Variants in SEC14L3 observed in about 807,000 individuals in gnomAD.
The protein encoded by SEC14L3 is SEC14-like protein 3.
In SEC14L3, 56 loss-of-function variants were observed where a neutral mutation model predicts 57.4. The observed-to-expected ratio is 0.97, with a 90% CI of 0.79 to 1.22. The LOEUF is 1.22. SEC14L3 is among the 50% of genes most tolerant of loss of function. The probability of loss-of-function intolerance (pLI) is 0.00; values close to 1 mark genes in which losing one functional copy is unlikely to be tolerated. For synonymous variants in SEC14L3, 173 were observed against 194.4 expected (o/e 0.89, Z 0.92); for missense variants, 485 against 511.7 (o/e 0.95, Z 0.50).
chr22:30,460,210 T>G, intron 11 of SEC14L3, 68 bp from the exon 12 acceptor site: 7 of 1,583,186 alleles, frequency 4.4e-6, no homozygotes, highest in Non-Finnish European at 6.0e-6. Flanking sequence ...CCCCTGGCCA[T>G]GGAGGAGGAC....
chr22:30,471,298 GA>G (rs1486087113), intron 1 of SEC14L3: 2 of 455,450 alleles, frequency 4.4e-6, no homozygotes, highest in Admixed American at 2.4e-5. Context: ...AGAAGAAAAA[GA>G]AGAAGAAAGG....
At position 30,462,100 on chromosome 22, in the gene SEC14L3, T is replaced by C. The variant is rs1935286486; in HGVS notation, c.757A>G (p.Lys253Glu). Residue 253 changes from lysine to glutamate, a missense_variant, in exon 9 of 12, where the codon AAA (lysine) becomes GAA (glutamate). Coordinates refer to ENST00000215812, the MANE Select transcript of SEC14L3 (RefSeq NM_174975.5). ...GTLTDPDGNP[K>E]CLTKINYGGE... ...GCTCTTTGTACCTTGGTTAAACATT[T>C]GGGGTTCCCATCTGGGTCAGTCAGG... 1.9e-6 allele frequency: 3 copies of C among 1,614,036 alleles called. No homozygotes were observed. The South Asian group carries it at 3.3e-5, about 18-fold the overall frequency.
At chr22:30,463,976 C>G (rs1056633404) in intron 8 of SEC14L3, among the ~76,000 whole-genome samples, 1 of 152,086 alleles carries the variant, frequency 6.6e-6, no homozygotes, top group Non-Finnish European at 1.5e-5. Flanking sequence ...TAAGATTATA[C>G]TTTTAGTTTA....
At chr22:30,448,800 G>A (rs1168944469) in exon 13 of SEC14L3, 2 of 324,652 alleles carry the variant, frequency 6.2e-6, no homozygotes, top group Non-Finnish European at 1.1e-5. Flanking sequence ...GCTGAGAGGG[G>A]AGAATCACTT....
intron 5 of SEC14L3, among the ~76,000 whole-genome samples, chr22:30,468,005 G>A (rs1247588798): frequency 6.6e-6 from 1 of 152,202 alleles, no homozygotes; most frequent in African/African-American, 2.4e-5. Context: ...TCCCGGCCTG[G>A]TACGGTGGCT....
chr22:30,458,848 CA>C (rs11357974), downstream of SEC14L3, among the ~76,000 whole-genome samples: 62,122 of 151,786 alleles, frequency 0.41, 14,376 homozygotes, highest in African/African-American at 0.62. Flanking sequence ...CAAAAAAATA[CA>C]AAAAAATTAG....
At chr22:30,452,589 C>T (rs185373028) in intron 12 of SEC14L3, among the ~76,000 whole-genome samples, 14 of 152,138 alleles carry the variant, frequency 9.2e-5, no homozygotes, top group East Asian at 5.8e-4. Context: ...ATCTACCACC[C>T]GCACATTTTC....
At chr22:30,471,390 T>C in intron 1 of SEC14L3, 1 of 400,578 alleles carries the variant, frequency 2.5e-6, no homozygotes, top group South Asian at 1.9e-5. Flanking sequence ...CCTCAAAACA[T>C]CTGCTTTTTT....
chr22:30,468,411 A>T, intron 5 of SEC14L3, 97 bp downstream of exon 5: 1 of 857,394 alleles, frequency 1.2e-6, no homozygotes, highest in Non-Finnish European at 1.9e-6. Flanking sequence ...GAGCCCTCTG[A>T]CTGTGGTTGT....
rs1661730744 is a variant in SEC14L3 at position 30,467,083 on chromosome 22, A to C, written c.424-6T>G. ...GTCTCAATCTTCTTCCCTAGCTGCA[A>C]GGATGAGAGCAAGAAGTAGTTCTGG... On this transcript the variant is annotated splice_polypyrimidine_tract_variant and splice_region_variant and intron_variant, in intron 5 of 11. Transcript: ENST00000215812. 1 of 1,613,920 alleles carries C rather than the reference A, an allele frequency of 6.2e-7. No individual in the cohort carries two copies. The highest frequency in any genetic ancestry group is 1.3e-5 in the African/African-American group (1 of 74,922).
At chr22:30,467,154 C>T (rs1374955816) in intron 5 of SEC14L3, 77 bp from the exon 6 acceptor site, 6 of 1,593,450 alleles carry the variant, frequency 3.8e-6, no homozygotes, top group Middle Eastern at 1.7e-4. Flanking sequence ...GTACATGACC[C>T]CTTGGGGCTT....
At chr22:30,449,082 A>G (rs1238240905) in exon 13 of SEC14L3, 1 of 1,550,532 alleles carries the variant, frequency 6.4e-7, no homozygotes, top group Admixed American at 2.0e-5. Flanking sequence ...TCACACAGAC[A>G]AAAATTAGTT....
rs757489756 is a variant in SEC14L3 at position 30,461,676 on chromosome 22, T to A, written c.790A>T (p.Ile264Phe). Residue 264 changes from isoleucine (I) to phenylalanine (F), a missense_variant, in exon 10 of 12, where the codon ATC (isoleucine) becomes TTC (phenylalanine). By Grantham distance (21) the Ile-to-Phe change is conservative. Transcript: ENST00000215812. The stretch of plus-strand genomic sequence containing the variant: ...TCCCGCACGTACATGGACTTGGGGA[T>A]CTCCCCGCCATAGTTAATCTGCGGA... ...CLTKINYGGE[I>F]PKSMYVRDQV... 7 of 1,596,868 alleles carry A rather than the reference T, an allele frequency of 4.4e-6. No homozygotes were observed. Among genetic ancestry groups the A allele is most frequent in the Admixed American group, 3.4e-5 (2 of 58,408 alleles).
At chr22:30,449,235 C>T (rs1934933917) in exon 13 of SEC14L3, 1 of 1,550,438 alleles carries the variant, frequency 6.4e-7, no homozygotes, top group South Asian at 1.2e-5. Context: ...CCCAGACTCA[C>T]TTTCCACATC....
intron 2 of SEC14L3, 123 bp downstream of exon 2, chr22:30,470,384 A>C (rs1185938062): frequency 2.4e-5 from 38 of 1,595,860 alleles, no homozygotes; most frequent in Non-Finnish European, 3.2e-5. Context: ...CCTCCTCTGG[A>C]CCTGAACATG....
At chr22:30,468,991 A>T in intron 4 of SEC14L3, 1 of 1,406,696 alleles carries the variant, frequency 7.1e-7, no homozygotes, top group Non-Finnish European at 9.3e-7. Flanking sequence ...GTGATGGAGA[A>T]CACAGATTCT....
chr22:30,460,383 G>A (rs537308192), intron 11 of SEC14L3, among the ~76,000 whole-genome samples: 2 of 152,280 alleles, frequency 1.3e-5, no homozygotes, highest in East Asian at 3.9e-4. Flanking sequence ...CGAGAACAAT[G>A]GTCATTACAT....
exon 13 of SEC14L3, chr22:30,448,861 C>T: frequency 3.9e-6 from 2 of 513,786 alleles, no homozygotes; most frequent in Non-Finnish European, 7.0e-6. Context: ...CACTGCACTC[C>T]AGCCTGGGCC....
chr22:30,452,452 GC>G (rs1344036915), intron 12 of SEC14L3, among the ~76,000 whole-genome samples: 1 of 151,580 alleles, frequency 6.6e-6, no homozygotes, highest in Non-Finnish European at 1.5e-5. Context: ...TGCCATGTTG[GC>G]CAGGCTGGTC....
Sources: allele counts gnomAD v4.1 joint callset (sites outside exome capture counted in the v4.1 genomes callset), GRCh38; gene constraint gnomAD v4.1.1; transcripts MANE v1.5; gene names NCBI Gene and HGNC (gene_info 2026-07-23, HGNC 2026-07-21).